FETUB: variants seen among roughly 807,000 people sequenced by gnomAD.
The protein encoded by FETUB is fetuin-B.
In FETUB, 28 loss-of-function variants were observed where a neutral mutation model predicts 30.9. The observed-to-expected ratio is 0.90, with a 90% CI of 0.67 to 1.24. FETUB has a LOEUF of 1.24. Ranked by LOEUF, FETUB falls within the 50% of genes most tolerant of loss-of-function variation. FETUB has a pLI of 0.00. For synonymous variants in FETUB, 186 were observed against 175.9 expected (o/e 1.06, Z -0.45); for missense variants, 469 against 455.3 (o/e 1.03, Z -0.27).
intron 3 of FETUB, among the ~76,000 whole-genome samples, chr3:186,643,398 G>A (rs1444458960): frequency 6.6e-6 from 1 of 152,150 alleles, no homozygotes; most frequent in African/African-American, 2.4e-5. Flanking sequence ...ACAGAATTTG[G>A]TCCCCTGTCG....
intron 3 of FETUB, among the ~76,000 whole-genome samples, chr3:186,643,558 G>A (rs1017548286): frequency 1.4e-4 from 22 of 152,132 alleles, no homozygotes; most frequent in Admixed American, 3.9e-4. Flanking sequence ...CAAGGCAAGC[G>A]AGCAAACATT....
chr3:186,641,374 C>G, intron 2 of FETUB: 1 of 424,796 alleles, frequency 2.4e-6, no homozygotes, highest in Non-Finnish European at 4.3e-6. Context: ...GGAAAAGTTG[C>G]CCCAAGTTGT....
In FETUB at chr3:186,640,638, T is replaced by A. The variant is rs938289128; in HGVS notation, c.178T>A (p.Tyr60Asn). 1 of 1,614,012 alleles carries A rather than the reference T, an allele frequency of 6.2e-7. No homozygotes were observed. Among genetic ancestry groups the A allele is most frequent in the Non-Finnish European group, 8.5e-7 (1 of 1,180,024 alleles). ...TATTAACAAAGACAGAAAGGATGGC[T>A]ATGTGCTGAGACTCAACCGAGTGAA... is the stretch of plus-strand genomic sequence containing the variant. The part of the protein sequence containing the change: ...RDINKDRKDG[Y>N]VLRLNRVNDA... Residue 60 changes from tyrosine to asparagine, a missense_variant, in exon 1 of 7, where the codon TAT becomes AAT. By Grantham distance (143) the Tyr-to-Asn change is moderately radical. Transcript: ENST00000265029.
In FETUB at chr3:186,645,541, G is replaced by T. The variant is rs1717432141; in HGVS notation, c.594+621G>T. The stretch of plus-strand genomic sequence containing the variant: ...TGGGTCTCACTATGTTGCACAGGCT[G>T]GTCTCAAACTCCTGGACTCAAAACA... On this transcript the variant is annotated intron_variant, in intron 4 of 6. Coordinates refer to ENST00000265029, the MANE Select transcript of FETUB (RefSeq NM_014375.3). 2.6e-5 allele frequency among the ~76,000 whole-genome samples: 4 copies of T among 151,884 alleles called. No homozygotes were observed. In the South Asian group the frequency reaches 8.3e-4, roughly 32 times the overall value.
chr3:186,640,713 G>C (rs764141996), intron 1 of FETUB, 28 bp downstream of exon 1: 146 of 1,583,496 alleles, frequency 9.2e-5, no homozygotes, highest in Non-Finnish European at 1.2e-4. Context: ...CCACTCTGGG[G>C]CAGGGATGTG....
chr3:186,643,728 G>A (rs1365925711), intron 3 of FETUB, among the ~76,000 whole-genome samples: 1 of 152,184 alleles, frequency 6.6e-6, no homozygotes, highest in East Asian at 1.9e-4. Context: ...AGCTGTAGCT[G>A]GAAGTCCCCC....
At chr3:186,651,144 A>G in intron 5 of FETUB, 74 bp from the exon 6 acceptor site, 1 of 969,348 alleles carries the variant, frequency 1.0e-6, no homozygotes, top group Non-Finnish European at 1.7e-6. Context: ...GTGTATCTAC[A>G]CAAGTAGAAA....
In FETUB at chr3:186,642,370, TC is replaced by T. The variant is rs1717135329; in HGVS notation, c.337-100del. 5.5e-6 allele frequency: 4 copies of T among 726,534 alleles called. No individual in the cohort carries two copies. In the South Asian group the frequency reaches 6.7e-5, roughly 12 times the overall value. The allele number at this position is 726,534 out of a possible 1,614,324, so 45.0% of individuals were successfully genotyped here. On this transcript the variant is annotated intron_variant, in intron 2 of 6. Transcript: ENST00000265029. Reference sequence around the variant, plus strand: ...AAACCACAGAATTTGATCTTAAGTTTCTAACTACTTTAAAAGAAAATGTCTG... The same window carrying T: ...AAACCACAGAATTTGATCTTAAGTTTTAACTACTTTAAAAGAAAATGTCTG...
rs2108526322 is a variant in FETUB, at chr3:186,644,814, C to T, written c.488C>T (p.Ser163Phe). The change falls in exon 4 of 7, where the codon TCC becomes TTC. Residue 163 changes from serine to phenylalanine, a missense_variant. Coordinates refer to ENST00000265029, the MANE Select transcript of FETUB (RefSeq NM_014375.3). ...DCPSSIPTDSSNHQVLEAATE... is the reference protein window; with the variant it reads ...DCPSSIPTDSFNHQVLEAATE... ...CCAAGCTCCATACCCACTGACTCTT[C>T]CAATCACCAAGTGCTGGAGGCTGCC... The T allele has an allele frequency of 2.5e-6, 4 of 1,613,898 alleles. No homozygotes were observed. Among genetic ancestry groups the T allele is most frequent in the Middle Eastern group, 1.7e-4 (1 of 6,060 alleles).
upstream of FETUB, among the ~76,000 whole-genome samples, chr3:186,639,676 A>T (rs1716895464): frequency 7.1e-6 from 1 of 140,900 alleles, no homozygotes; most frequent in South Asian, 2.3e-4. Flanking sequence ...AAAAAAAAAG[A>T]AGGCAAGAGT....
chr3:186,651,085 C>T (rs911075625), intron 5 of FETUB, 133 bp from the exon 6 acceptor site: 2 of 636,324 alleles, frequency 3.1e-6, no homozygotes, highest in Admixed American at 2.5e-5. Context: ...AAAGAATTGA[C>T]TCAGAGTCTA....
chr3:186,647,314 C>T (rs1292701697), intron 5 of FETUB, among the ~76,000 whole-genome samples: 1 of 152,140 alleles, frequency 6.6e-6, no homozygotes, highest in African/African-American at 2.4e-5. Context: ...TTTATGTACA[C>T]ATATGTTTCC....
chr3:186,642,349 C>T, intron 2 of FETUB, 122 bp from the exon 3 acceptor site: 1 of 649,070 alleles, frequency 1.5e-6, no homozygotes, highest in Non-Finnish European at 2.7e-6. Flanking sequence ...CAGCCAAAAC[C>T]ACAGAATTTG....
At position 186,652,597 on chromosome 3, in the gene FETUB, C is replaced by G; in HGVS notation, c.1115C>G (p.Ala372Gly). 1 of 1,611,420 alleles carries G rather than the reference C, an allele frequency of 6.2e-7. No individual in the cohort carries two copies. The highest frequency in any genetic ancestry group is 8.5e-7 in the Non-Finnish European group (1 of 1,179,228). The change falls in exon 7 of 7, where the codon GCC becomes GGC. Residue 372 changes from alanine (A) to glycine (G), a missense_variant. Transcript: ENST00000265029. The part of the protein sequence containing the change: ...KARTAECPGP[A>G]QNASPLVLPP ...CGCACTGCTGAGTGCCCAGGGCCAGCCCAGAATGCCAGCCCTCTTGTCCTT... is the reference window on the plus strand; with the variant it reads ...CGCACTGCTGAGTGCCCAGGGCCAGGCCAGAATGCCAGCCCTCTTGTCCTT...
At chr3:186,642,909 G>C (rs1257449224) in intron 3 of FETUB, among the ~76,000 whole-genome samples, 1 of 152,020 alleles carries the variant, frequency 6.6e-6, no homozygotes, top group Non-Finnish European at 1.5e-5. Context: ...CCATTCTACT[G>C]GATGCCACCC....
In FETUB at chr3:186,652,894, G is replaced by C. The variant is rs1348351347; in HGVS notation, c.*263G>C. 2.7e-5 allele frequency: 10 copies of C among 364,122 alleles called. No homozygotes were observed. The highest frequency in any genetic ancestry group is 9.9e-6 in the Non-Finnish European group (2 of 202,668). 22.6% of individuals were successfully genotyped at this position (364,122 alleles called of 1,614,324 possible). On this transcript the variant is annotated 3_prime_UTR_variant, in exon 7 of 7. Transcript: ENST00000265029. ...GAGCAGTCTCATACCATGGAGAGAT[G>C]CCTCTCTTATGTCTTCAGCCACTCA...
In FETUB at chr3:186,644,763, A is replaced by C; in HGVS notation, c.437A>C (p.Lys146Thr). ...NCTLRPVSKK[K>T]IYMTCPDCPS... The stretch of plus-strand genomic sequence containing the variant: ...TTGGCATCAACAGTTTCAAAAAAAA[A>C]GATTTACATGACGTGCCCTGACTGC... The change falls in exon 4 of 7, where the codon AAG becomes ACG. Residue 146 changes from lysine to threonine, a missense_variant. Physicochemically the swap from Lys to Thr is moderately conservative, Grantham distance 78 (BLOSUM62 -1). Transcript: ENST00000265029. 2 of 1,589,112 alleles carry C rather than the reference A, an allele frequency of 1.3e-6. No homozygotes were observed. The highest frequency in any genetic ancestry group is 1.7e-6 in the Non-Finnish European group (2 of 1,173,352).
Position 186,640,465 on chromosome 3 carries a change from G to C in FETUB, c.5G>C (p.Gly2Ala). M[G>A]LLLPLALCIL... ...CTGGGCCTTGTTCTCCACAGAATGG[G>C]TCTGCTCCTTCCCCTGGCACTCTGC... The change falls in exon 1 of 7, where the codon GGT becomes GCT. Residue 2 changes from glycine (G) to alanine (A), a missense_variant. By Grantham distance (60) the Gly-to-Ala change is moderately conservative. Transcript: ENST00000265029. 2 of 1,613,874 alleles carry C rather than the reference G, an allele frequency of 1.2e-6. No individual in the cohort carries two copies. Among genetic ancestry groups the C allele is most frequent in the South Asian group, 2.2e-5 (2 of 91,070 alleles).
Position 186,640,523 on chromosome 3 carries a change from A to G in FETUB, c.63A>G (p.Pro21=), listed in dbSNP as rs1488099504. 1 of 1,613,992 alleles carries G rather than the reference A, an allele frequency of 6.2e-7. No homozygotes were observed. Among genetic ancestry groups the G allele is most frequent in the Non-Finnish European group, 8.5e-7 (1 of 1,180,020 alleles). ...TCCTGTGCTGCGGAGCAATGTCTCC[A>G]CCCCAGCTGGCCCTCAACCCCTCGG... ...ILVLCCGAMS[P]PQLALNPSAL... is the part of the protein sequence containing the mutation. The change falls in exon 1 of 7, where the codon CCA becomes CCG. Residue 21 remains proline (P), a synonymous_variant. Transcript: ENST00000265029.
Sources: allele counts gnomAD v4.1 joint callset (sites outside exome capture counted in the v4.1 genomes callset), GRCh38; gene constraint gnomAD v4.1.1; transcripts MANE v1.5; gene names NCBI Gene and HGNC (gene_info 2026-07-23, HGNC 2026-07-21).